The following ERC1 variants were observed in gnomAD, a reference collection of about 807,000 sequenced individuals.
ERC1 encodes ELKS/RAB6-interacting/CAST family member 1.
ERC1 carries 56 observed loss-of-function variants against 132.0 expected under a neutral mutation model. The ratio of observed to expected loss-of-function variants is 0.42; its 90% CI spans 0.34 to 0.53. The LOEUF (loss-of-function observed/expected upper bound fraction) is 0.53. ERC1 is among the 20% of genes least tolerant of loss of function. The pLI is 0.03. For missense variants in ERC1, 1,202 were observed against 1,349.9 expected, an observed-to-expected ratio of 0.89 and a Z score of 1.72; for synonymous variants, 478 against 476.1, an observed-to-expected ratio of 1.00 and a Z score of -0.05.
intron 8 of ERC1, among the ~76,000 whole-genome samples, chr12:1,148,420 C>G (rs1010790724): frequency 3.3e-5 from 5 of 152,012 alleles, no homozygotes; most frequent in African/African-American, 1.2e-4. Flanking sequence ...TATATTTTTT[C>G]TTTGTCCTTC....
At position 1,181,989 on chromosome 12, in the gene ERC1, T is replaced by C. The variant is rs1954528371; in HGVS notation, c.1940T>C (p.Ile647Thr). The stretch of plus-strand genomic sequence containing the variant: ...GATGAGCGAGAGAAGCAAGAGGAAA[T>C]TGATAACTACAAAAAAGATCTTAAA... ...DRDEREKQEE[I>T]DNYKKDLKDL... The change falls in exon 10 of 19, where the codon ATT becomes ACT. Residue 647 changes from isoleucine to threonine, a missense_variant. Coordinates refer to ENST00000360905, the MANE Select transcript of ERC1 (RefSeq NM_178040.4). 5 of 1,614,002 alleles carry C rather than the reference T, an allele frequency of 3.1e-6. No individual in the cohort carries two copies. Among genetic ancestry groups the C allele is most frequent in the Non-Finnish European group, 2.5e-6 (3 of 1,179,958 alleles).
intron 16 of ERC1, chr12:1,391,476 C>G (rs1416968985): frequency 6.6e-6 from 1 of 152,462 alleles, no homozygotes; most frequent in African/African-American, 2.4e-5. Flanking sequence ...AGGTCCGACT[C>G]CACCAGGAGA....
At chr12:1,266,364 TTTA>T (rs1220133015) in intron 14 of ERC1, among the ~76,000 whole-genome samples, 2 of 150,454 alleles carry the variant, frequency 1.3e-5, no homozygotes, top group Admixed American at 6.6e-5. Context: ...TCTCCCATTT[TTTA>T]TTATTATTTT....
At chr12:1,286,798 G>A (rs2079071982) in intron 14 of ERC1, among the ~76,000 whole-genome samples, 1 of 152,054 alleles carries the variant, frequency 6.6e-6, no homozygotes, top group Non-Finnish European at 1.5e-5. Flanking sequence ...AGAAAATTAA[G>A]CATATAAAGT....
chr12:1,062,829 A>G (rs1938291351), intron 2 of ERC1, among the ~76,000 whole-genome samples: 1 of 152,144 alleles, frequency 6.6e-6, no homozygotes, highest in Admixed American at 6.5e-5. Context: ...AATTATTCTT[A>G]TATTGGGATC....
At chr12:1,174,554 T>C (rs1953474339) in intron 8 of ERC1, among the ~76,000 whole-genome samples, 1 of 152,222 alleles carries the variant, frequency 6.6e-6, no homozygotes. Context: ...CTTTAATAGT[T>C]TAACTACATA....
intron 1 of ERC1, among the ~76,000 whole-genome samples, chr12:996,551 C>G (rs1960949103): frequency 6.6e-6 from 1 of 151,942 alleles, no homozygotes; most frequent in Non-Finnish European, 1.5e-5. Context: ...ATGTGTATAG[C>G]CACTGCACTC....
At chr12:1,018,971 A>G (rs539695463) in intron 1 of ERC1, among the ~76,000 whole-genome samples, 1 of 152,324 alleles carries the variant, frequency 6.6e-6, no homozygotes, top group African/African-American at 2.4e-5. Flanking sequence ...GAAGAAGGTC[A>G]TGGAAACCAG....
chr12:1,280,517 A>G (rs2078607028), intron 14 of ERC1, among the ~76,000 whole-genome samples: 1 of 152,236 alleles, frequency 6.6e-6, no homozygotes, highest in African/African-American at 2.4e-5. Flanking sequence ...TGTTCTGTGT[A>G]CTAACAGTGA....
At position 1,138,617 on chromosome 12, in the gene ERC1, A is replaced by G. The variant is rs551097674; in HGVS notation, c.1570-3003A>G. 1.1e-4 allele frequency among the ~76,000 whole-genome samples: 17 copies of G among 151,986 alleles called. No individual in the cohort carries two copies. In the East Asian group the frequency reaches 3.3e-3, roughly 29 times the overall value. Reference sequence around the variant, plus strand: ...GTGTTCAGTAGGCAGATTTTTTTTAAGTGGTAGAGGGTTAAGGATATTACA... The same window carrying G: ...GTGTTCAGTAGGCAGATTTTTTTTAGGTGGTAGAGGGTTAAGGATATTACA... On this transcript the variant is annotated intron_variant, in intron 7 of 18. Coordinates refer to ENST00000360905, the MANE Select transcript of ERC1 (RefSeq NM_178040.4).
At chr12:1,258,797 C>T (rs538526362) in intron 13 of ERC1, among the ~76,000 whole-genome samples, 37 of 152,272 alleles carry the variant, frequency 2.4e-4, no homozygotes, top group Non-Finnish European at 1.6e-4. Flanking sequence ...AAAATATTGC[C>T]GTGAAGAAAT....
intron 1 of ERC1, chr12:998,385 T>C (rs1195069656): frequency 6.6e-6 from 1 of 152,238 alleles, no homozygotes; most frequent in Non-Finnish European, 1.5e-5. Context: ...CTCACAAGGC[T>C]GCAGTCATCT....
chr12:1,099,772 G>A (rs970078404), intron 3 of ERC1, among the ~76,000 whole-genome samples: 3 of 150,004 alleles, frequency 2.0e-5, no homozygotes, highest in African/African-American at 7.4e-5. Context: ...GATTGGGGAT[G>A]TATATTAGAG....
At chr12:1,178,684 G>T (rs559536187) in intron 8 of ERC1, among the ~76,000 whole-genome samples, 2 of 152,128 alleles carry the variant, frequency 1.3e-5, no homozygotes, top group African/African-American at 4.8e-5. Context: ...TGAAAACCAC[G>T]TAGAAAAATC....
chr12:1,169,746 C>T (rs1952850568), intron 8 of ERC1, among the ~76,000 whole-genome samples: 2 of 152,048 alleles, frequency 1.3e-5, no homozygotes, highest in Admixed American at 1.3e-4. Flanking sequence ...TCCTTCACAC[C>T]TTATATTCAA....
At chr12:1,486,778 A>G (rs1233990056) in intron 18 of ERC1, among the ~76,000 whole-genome samples, 1 of 152,196 alleles carries the variant, frequency 6.6e-6, no homozygotes, top group East Asian at 1.9e-4. Flanking sequence ...AACTCCTGAA[A>G]AAAATGTTCT....
chr12:1,112,296 G>A lies in ERC1; in HGVS notation c.1399G>A (p.Glu467Lys). 6.2e-7 allele frequency: 1 copy of A among 1,611,676 alleles called. No individual in the cohort carries two copies. Among genetic ancestry groups the A allele is most frequent in the South Asian group, 1.1e-5 (1 of 91,018 alleles). Reference protein sequence around the residue: ...LKKKAAGLQAEIGQVKQELSR... With the variant: ...LKKKAAGLQAKIGQVKQELSR... ...AAAGAAAGCGGCTGGTCTTCAGGCT[G>A]AGGTCTTTGCCGTAAGATTTACCTC... The change falls in exon 6 of 19, where the codon GAG (glutamate) becomes AAG (lysine). Residue 467 changes from glutamate (E) to lysine (K), a missense_variant and splice_region_variant. Glu to Lys is a moderately conservative substitution (Grantham distance 56, BLOSUM62 1). Coordinates refer to ENST00000360905, the MANE Select transcript of ERC1 (RefSeq NM_178040.4).
intron 14 of ERC1, among the ~76,000 whole-genome samples, chr12:1,287,941 G>A (rs1426323635): frequency 1.3e-5 from 2 of 152,184 alleles, no homozygotes; most frequent in Non-Finnish European, 2.9e-5. Context: ...GAGCATGGTT[G>A]GCTCTGAGTT....
chr12:1,239,880 TCCTGTC>T (rs2075681333), intron 13 of ERC1, among the ~76,000 whole-genome samples: 1 of 152,224 alleles, frequency 6.6e-6, no homozygotes, highest in Non-Finnish European at 1.5e-5. Context: ...GATTGCTGTC[TCCTGTC>T]CCTAGGGGTT....
Sources: gnomAD v4.1 joint callset for allele counts (sites outside exome capture counted in the v4.1 genomes callset) on GRCh38, gnomAD v4.1.1 for gene constraint, MANE v1.5 for transcripts, NCBI Gene and HGNC (gene_info 2026-07-23, HGNC 2026-07-21) for gene names.